ZNF84: variants seen among roughly 807,000 people sequenced by gnomAD.
ZNF84 encodes the protein zinc finger protein HPF2.
In ZNF84, 12 loss-of-function variants were observed where a neutral mutation model predicts 14.8. The ratio of observed to expected loss-of-function variants is 0.81; its 90% CI spans 0.52 to 1.31. ZNF84 has a LOEUF of 1.31. Ranked by LOEUF, ZNF84 falls within the 50% of genes most tolerant of loss-of-function variation. ZNF84 has a pLI of 0.00. For missense variants in ZNF84, 859 were observed against 878.6 expected (o/e 0.98, Z 0.28); for synonymous variants, 347 against 291.1 (o/e 1.19, Z -1.96).
intron 2 of ZNF84, among the ~76,000 whole-genome samples, chr12:133,042,991 T>C (rs2137335689): frequency 6.6e-6 from 1 of 152,292 alleles, no homozygotes; most frequent in South Asian, 2.1e-4. Flanking sequence ...ATTTCCTGAC[T>C]TTATAGTTCT....
Position 133,060,664 on chromosome 12 carries a change from T to G in ZNF84, c.*1732T>G, listed in dbSNP as rs1405495183. On this transcript the variant is annotated 3_prime_UTR_variant, in exon 5 of 5. Transcript: ENST00000539354. ...AAACTGTAAGTCACATCCTCTTAAG[T>G]CAGGAACTATCTGTATAAGGAAACA... is the stretch of plus-strand genomic sequence containing the variant. 6 of 152,248 alleles carry G rather than the reference T, an allele frequency of 3.9e-5. No homozygotes were observed. Among genetic ancestry groups the G allele is most frequent in the African/African-American group, 1.4e-4 (6 of 41,470 alleles). 9.4% of individuals were successfully genotyped at this position (152,248 alleles called of 1,614,324 possible). A position where few individuals can be genotyped will look rare whatever the true frequency, so the allele number is the denominator to read the frequency against.
At chr12:133,051,228 A>T (rs901450905) in intron 4 of ZNF84, among the ~76,000 whole-genome samples, 1 of 152,106 alleles carries the variant, frequency 6.6e-6, no homozygotes, top group Non-Finnish European at 1.5e-5. Flanking sequence ...TCCTTTACTG[A>T]AAAGGATTAC....
chr12:133,054,903 G>A (rs1380574077), intron 4 of ZNF84, among the ~76,000 whole-genome samples: 1 of 151,812 alleles, frequency 6.6e-6, no homozygotes, highest in Non-Finnish European at 1.5e-5. Flanking sequence ...TTTTTTCATA[G>A]CATTCTTCAA....
At chr12:133,053,916 A>C (rs1414443529) in intron 4 of ZNF84, among the ~76,000 whole-genome samples, 4 of 152,152 alleles carry the variant, frequency 2.6e-5, no homozygotes, top group African/African-American at 9.7e-5. Context: ...TACATCAGCA[A>C]ATCTTGTTGA....
intron 4 of ZNF84, among the ~76,000 whole-genome samples, chr12:133,054,391 A>G (rs1052418680): frequency 1.3e-5 from 2 of 152,202 alleles, no homozygotes. Flanking sequence ...CAAAAAATAC[A>G]TATTTTGAAG....
At chr12:133,040,492 G>A (rs1953868001) in intron 1 of ZNF84, 1 of 149,134 alleles carries the variant, frequency 6.7e-6, no homozygotes, top group Non-Finnish European at 1.5e-5. Flanking sequence ...AGGATCCCTT[G>A]AGCCTGGAGT....
chr12:133,041,459 C>T lies in ZNF84; in HGVS notation c.-9C>T, dbSNP rs2137327484. 5 of 1,614,108 alleles carry T rather than the reference C, an allele frequency of 3.1e-6. No homozygotes were observed. In the East Asian group the frequency reaches 8.9e-5, roughly 29 times the overall value. ...CAGCCTTGCTGATCATCTCGTACAG[C>T]AGCAGAAAATGACCATGTTACAGGT... On this transcript the variant is annotated 5_prime_UTR_variant, in exon 2 of 5. Transcript: ENST00000539354.
At position 133,062,846 on chromosome 12, in the gene ZNF84, A is replaced by C; in HGVS notation, c.*3914A>C. On this transcript the variant is annotated 3_prime_UTR_variant, in exon 5 of 5. Transcript: ENST00000539354. Reference sequence around the variant, plus strand: ...TTTCTGGCCTCTGTGAACAACTTGTAGTTCCTTGAGATTTCTATTATCACT... The same window carrying C: ...TTTCTGGCCTCTGTGAACAACTTGTCGTTCCTTGAGATTTCTATTATCACT... The C allele has an allele frequency of 2.0e-6, 1 of 496,350 alleles. No homozygotes were observed. Among genetic ancestry groups the C allele is most frequent in the Non-Finnish European group, 3.6e-6 (1 of 278,966 alleles). 30.7% of individuals were successfully genotyped at this position (496,350 alleles called of 1,614,324 possible).
chr12:133,057,462 G>C lies in ZNF84; in HGVS notation c.747G>C (p.Gln249His). 6.2e-7 allele frequency: 1 copy of C among 1,614,132 alleles called. No individual in the cohort carries two copies. Among genetic ancestry groups the C allele is most frequent in the Non-Finnish European group, 8.5e-7 (1 of 1,179,986 alleles). ...NCGKTFPQKS[Q>H]FITHHRTHTG... is the part of the protein sequence containing the mutation. ...GCAAAACCTTTCCCCAGAAGTCTCAGTTTATTACACATCACAGAACTCATA... is the reference window on the plus strand; with the variant it reads ...GCAAAACCTTTCCCCAGAAGTCTCACTTTATTACACATCACAGAACTCATA... The change falls in exon 5 of 5, where the codon CAG becomes CAC. Residue 249 changes from glutamine to histidine, a missense_variant. Coordinates refer to ENST00000539354, the MANE Select transcript of ZNF84 (RefSeq NM_001289971.2).
rs1314218944 is a variant in ZNF84 at position 133,061,465 on chromosome 12, A to G, written c.*2533A>G. 1.3e-5 allele frequency: 2 copies of G among 152,202 alleles called. No homozygotes were observed. The highest frequency in any genetic ancestry group is 2.9e-5 in the Non-Finnish European group (2 of 68,046). The allele number at this position is 152,202 out of a possible 1,614,324, so 9.4% of individuals were successfully genotyped here. ...GGGCGACAGAGCGAGCCTCTGTCAAAAAAAGAAAAGAAAAAGAACTTCCTA... is the reference window on the plus strand; with the variant it reads ...GGGCGACAGAGCGAGCCTCTGTCAAGAAAAGAAAAGAAAAAGAACTTCCTA... On this transcript the variant is annotated 3_prime_UTR_variant, in exon 5 of 5. Transcript: ENST00000539354.
At chr12:133,054,509 TG>T (rs1442923207) in intron 4 of ZNF84, among the ~76,000 whole-genome samples, 2 of 152,110 alleles carry the variant, frequency 1.3e-5, no homozygotes, top group African/African-American at 4.8e-5. Context: ...AATGGGAACT[TG>T]GGTCTTGGGA....
intron 1 of ZNF84, chr12:133,040,900 A>G (rs1953875347): frequency 6.6e-6 from 1 of 152,274 alleles, no homozygotes; most frequent in Non-Finnish European, 1.5e-5. Context: ...GAATGGTGAA[A>G]TTTGTTTGTT....
At position 133,058,950 on chromosome 12, in the gene ZNF84, G is replaced by T. The variant is rs1232642694; in HGVS notation, c.*18G>T. On this transcript the variant is annotated 3_prime_UTR_variant, in exon 5 of 5. Coordinates refer to ENST00000539354, the MANE Select transcript of ZNF84 (RefSeq NM_001289971.2). ...AATCCTAGGAATACAGTTAATAGTA[G>T]TCTTTGACAGATCATCTTGGACTTC... The T allele has an allele frequency of 5.2e-6, 8 of 1,552,124 alleles. No individual in the cohort carries two copies. Among genetic ancestry groups the T allele is most frequent in the Non-Finnish European group, 6.9e-6 (8 of 1,155,268 alleles).
chr12:133,054,185 C>T (rs1954113820), intron 4 of ZNF84, among the ~76,000 whole-genome samples: 1 of 152,086 alleles, frequency 6.6e-6, no homozygotes, highest in African/African-American at 2.4e-5. Context: ...AGTTCAAGAG[C>T]AGCCTGGACA....
chr12:133,043,740 G>A (rs1953927049), intron 2 of ZNF84, among the ~76,000 whole-genome samples: 1 of 151,822 alleles, frequency 6.6e-6, no homozygotes, highest in African/African-American at 2.4e-5. Flanking sequence ...TTGTATACGG[G>A]AACTTATTTT....
Position 133,057,568 on chromosome 12 carries a change from CAT to C in ZNF84, c.855_856del (p.Thr286ArgfsTer6). 1 of 1,614,198 alleles carries C rather than the reference CAT, an allele frequency of 6.2e-7. No individual in the cohort carries two copies. The highest frequency in any genetic ancestry group is 1.7e-5 in the Admixed American group (1 of 60,030). ...KSQLTSHQRT[H>X]TGEKPYECGE... ...ACAGCTCACATCCCATCAGCGGACA[CAT>C]ACAGGAGAGAAACCTTATGAGTGTG... On this transcript the variant is annotated frameshift_variant, in exon 5 of 5. Transcript: ENST00000539354. LOFTEE classifies it low-confidence loss of function (END_TRUNC).
intron 2 of ZNF84, among the ~76,000 whole-genome samples, chr12:133,044,248 A>G (rs1209366948): frequency 6.6e-6 from 1 of 151,782 alleles, no homozygotes; most frequent in African/African-American, 2.4e-5. Flanking sequence ...GGAATCAAAC[A>G]TGCCTCCCAC....
intron 4 of ZNF84, among the ~76,000 whole-genome samples, chr12:133,054,555 T>A (rs1045199452): frequency 5.9e-5 from 9 of 151,992 alleles, no homozygotes; most frequent in African/African-American, 1.9e-4. Flanking sequence ...ATTTTAAAGT[T>A]CTGTGCCTGA....
Position 133,063,052 on chromosome 12 carries a change from A to G in ZNF84, c.*4120A>G, listed in dbSNP as rs981236879. ...TTTTTGTCTGTGTAATTTTTGCATC[A>G]CAAGCTATATTTAAATGTGGGTGCA... On this transcript the variant is annotated 3_prime_UTR_variant, in exon 5 of 5. Coordinates refer to ENST00000539354, the MANE Select transcript of ZNF84 (RefSeq NM_001289971.2). The G allele has an allele frequency of 5.7e-6, 4 of 697,272 alleles. No individual in the cohort carries two copies. Among genetic ancestry groups the G allele is most frequent in the Non-Finnish European group, 1.0e-5 (4 of 381,144 alleles). 43.2% of individuals were successfully genotyped at this position (697,272 alleles called of 1,614,324 possible).
Sources: allele counts gnomAD v4.1 joint callset (sites outside exome capture counted in the v4.1 genomes callset), GRCh38; gene constraint gnomAD v4.1.1; transcripts MANE v1.5; gene names NCBI Gene and HGNC (gene_info 2026-07-23, HGNC 2026-07-21).